PAPSS1: variants seen among roughly 807,000 people sequenced by gnomAD.
The protein encoded by PAPSS1 is 3'-phosphoadenosine 5'-phosphosulfate synthase 1.
Under a neutral mutation model 72.0 loss-of-function variants are expected in PAPSS1, and 50 were observed. The ratio of observed to expected loss-of-function variants is 0.69; its 90% confidence interval spans 0.55 to 0.88. The LOEUF is 0.88. Ranked by LOEUF, PAPSS1 falls within the 40% of genes least tolerant of loss-of-function variation. The pLI, the probability that PAPSS1 is intolerant of heterozygous loss-of-function variation, is 0.00. For synonymous variants in PAPSS1, 261 were observed against 263.6 expected, an observed-to-expected ratio of 0.99 and a Z score of 0.09; for missense variants, 657 against 782.2, an observed-to-expected ratio of 0.84 and a Z score of 1.91.
chr4:107,665,139 G>C (rs1476672773), intron 5 of PAPSS1, among the ~76,000 whole-genome samples: 2 of 152,164 alleles, frequency 1.3e-5, no homozygotes, highest in African/African-American at 4.8e-5. Flanking sequence ...AGAGGAACTG[G>C]GAGCATCTGC....
chr4:107,639,015 T>G (rs942429720), intron 10 of PAPSS1, among the ~76,000 whole-genome samples: 11 of 152,196 alleles, frequency 7.2e-5, no homozygotes, highest in Non-Finnish European at 1.5e-4. Context: ...ACTGACGCTG[T>G]GTCAAGGACA....
intron 11 of PAPSS1, among the ~76,000 whole-genome samples, chr4:107,615,132 A>C (rs1321115376): frequency 6.6e-6 from 1 of 152,168 alleles, no homozygotes; most frequent in African/African-American, 2.4e-5. Flanking sequence ...AATACTACTT[A>C]ATTGACAAGA....
intron 4 of PAPSS1, among the ~76,000 whole-genome samples, chr4:107,684,653 C>T (rs10002310): frequency 0.34 from 51,339 of 151,928 alleles, 8,850 homozygotes; most frequent in East Asian, 0.42. Context: ...CCCAGTTCTT[C>T]AGACAAACTC....
intron 5 of PAPSS1, among the ~76,000 whole-genome samples, chr4:107,672,824 C>T (rs1727525831): frequency 6.6e-6 from 1 of 152,204 alleles, no homozygotes; most frequent in Non-Finnish European, 1.5e-5. Context: ...TAGGGGCAGA[C>T]TGACACCTCA....
intron 5 of PAPSS1, among the ~76,000 whole-genome samples, chr4:107,670,342 C>A (rs760925119): frequency 5.9e-5 from 9 of 151,994 alleles, no homozygotes; most frequent in Admixed American, 2.0e-4. Flanking sequence ...TAATTAGGTA[C>A]AAATAAATTA....
At chr4:107,673,975 T>A (rs1261715106) in intron 5 of PAPSS1, among the ~76,000 whole-genome samples, 1 of 152,030 alleles carries the variant, frequency 6.6e-6, no homozygotes, top group Non-Finnish European at 1.5e-5. Context: ...AGAAATAAAA[T>A]CCTTAACAGA....
chr4:107,673,887 A>G (rs1727566088), intron 5 of PAPSS1, among the ~76,000 whole-genome samples: 1 of 152,236 alleles, frequency 6.6e-6, no homozygotes, highest in Admixed American at 6.5e-5. Context: ...AGTGGGGGCC[A>G]ATATTCAACA....
chr4:107,711,389 C>T (rs1723490178), intron 1 of PAPSS1, among the ~76,000 whole-genome samples: 1 of 152,208 alleles, frequency 6.6e-6, no homozygotes, highest in Non-Finnish European at 1.5e-5. Context: ...TTAATTTCCA[C>T]ATGGCCGTTT....
chr4:107,632,648 G>T (rs1726253761), intron 10 of PAPSS1, among the ~76,000 whole-genome samples: 1 of 151,968 alleles, frequency 6.6e-6, no homozygotes, highest in South Asian at 2.1e-4. Flanking sequence ...TGAAACTTTA[G>T]AATTTAAAGT....
intron 1 of PAPSS1, chr4:107,719,863 G>T (rs930937253): frequency 2.2e-6 from 3 of 1,343,102 alleles, no homozygotes; most frequent in East Asian, 3.3e-5. Context: ...GCGCTGGGGA[G>T]GGGGGGCGTT....
chr4:107,679,330 T>C (rs976547696), intron 5 of PAPSS1, among the ~76,000 whole-genome samples: 1 of 151,956 alleles, frequency 6.6e-6, no homozygotes, highest in African/African-American at 2.4e-5. Flanking sequence ...GAAAAACCCA[T>C]GAGCAGGCCA....
intron 6 of PAPSS1, among the ~76,000 whole-genome samples, chr4:107,659,694 G>T (rs1727117487): frequency 6.6e-6 from 1 of 152,056 alleles, no homozygotes; most frequent in South Asian, 2.1e-4. Context: ...ATAAGCCTAA[G>T]GATCTCATGT....
intron 4 of PAPSS1, among the ~76,000 whole-genome samples, chr4:107,685,195 A>G (rs1473934008): frequency 6.6e-6 from 1 of 152,206 alleles, no homozygotes; most frequent in African/African-American, 2.4e-5. Context: ...TGTGTGTTCA[A>G]CATTCCACTC....
At chr4:107,665,925 T>A (rs575383723) in intron 5 of PAPSS1, among the ~76,000 whole-genome samples, 1 of 152,322 alleles carries the variant, frequency 6.6e-6, no homozygotes, top group African/African-American at 2.4e-5. Context: ...TCTGAACATG[T>A]TAATACAATG....
intron 5 of PAPSS1, among the ~76,000 whole-genome samples, chr4:107,678,004 G>C (rs1425614580): frequency 6.6e-6 from 1 of 152,098 alleles, no homozygotes; most frequent in Admixed American, 6.5e-5. Context: ...CATGGACACA[G>C]GAAGGGGAAC....
At chr4:107,633,062 T>C (rs545491439) in intron 10 of PAPSS1, among the ~76,000 whole-genome samples, 1 of 152,360 alleles carries the variant, frequency 6.6e-6, no homozygotes, top group South Asian at 2.1e-4. Flanking sequence ...TTTCTACTGA[T>C]GTTTGCCTGC....
chr4:107,698,477 C>T (rs1349662202), intron 2 of PAPSS1, among the ~76,000 whole-genome samples: 4 of 152,182 alleles, frequency 2.6e-5, no homozygotes, highest in African/African-American at 7.2e-5. Context: ...GTCACCACCA[C>T]ATCCGAACAA....
chr4:107,642,834 TGATGG>T (rs1265803820), intron 10 of PAPSS1, among the ~76,000 whole-genome samples: 1 of 152,214 alleles, frequency 6.6e-6, no homozygotes, highest in Non-Finnish European at 1.5e-5. Flanking sequence ...AATACACTGC[TGATGG>T]GAGTGTAAAA....
At chr4:107,690,779 G>A (rs1722894805) in intron 3 of PAPSS1, among the ~76,000 whole-genome samples, 2 of 152,020 alleles carry the variant, frequency 1.3e-5, no homozygotes, top group Admixed American at 1.3e-4. Context: ...TATAGATGAG[G>A]TCAACAAAGA....
Sources: allele counts gnomAD v4.1 joint callset (sites outside exome capture counted in the v4.1 genomes callset), GRCh38; gene constraint gnomAD v4.1.1; transcripts MANE v1.5; gene names NCBI Gene and HGNC (gene_info 2026-07-23, HGNC 2026-07-21).